Variants in SGCZ observed in about 807,000 individuals in gnomAD.
The protein encoded by SGCZ is sarcoglycan zeta.
Under a neutral mutation model 41.3 loss-of-function variants are expected in SGCZ, and 40 were observed. That is an observed-to-expected ratio of 0.97 (90% CI 0.75 to 1.26). The LOEUF is 1.26. Ranked by LOEUF, SGCZ falls within the 50% of genes most tolerant of loss-of-function variation. SGCZ has a pLI of 0.00. For missense variants in SGCZ, 552 were observed against 369.8 expected (o/e 1.49, Z -4.04); for synonymous variants, 206 against 137.5 (o/e 1.50, Z -3.49).
At chr8:14,453,519 C>G (rs62499706) in intron 2 of SGCZ, among the ~76,000 whole-genome samples, 232 of 152,186 alleles carry the variant, frequency 1.5e-3, no homozygotes, top group Non-Finnish European at 2.6e-3. Flanking sequence ...GACATAAAAT[C>G]TGCCTGCAGG....
At chr8:14,133,005 A>C (rs894713413) in intron 5 of SGCZ, among the ~76,000 whole-genome samples, 1 of 152,184 alleles carries the variant, frequency 6.6e-6, no homozygotes, top group African/African-American at 2.4e-5. Flanking sequence ...GAGCTGTAAC[A>C]ATAAAAAAAA....
intron 5 of SGCZ, among the ~76,000 whole-genome samples, chr8:14,130,899 TA>T (rs1803021436): frequency 6.6e-6 from 1 of 152,124 alleles, no homozygotes; most frequent in South Asian, 2.1e-4. Context: ...TCCAGTTGCA[TA>T]AAAAATATTA....
intron 1 of SGCZ, among the ~76,000 whole-genome samples, chr8:14,670,024 GT>G (rs1358373999): frequency 5.9e-5 from 9 of 152,094 alleles, no homozygotes; most frequent in African/African-American, 2.2e-4. Context: ...CAATAACTAA[GT>G]TTATATCTTT....
At chr8:14,254,163 A>G (rs1215818774) in intron 3 of SGCZ, among the ~76,000 whole-genome samples, 1 of 152,272 alleles carries the variant, frequency 6.6e-6, no homozygotes, top group Non-Finnish European at 1.5e-5. Flanking sequence ...GTTGCTTATA[A>G]TCAGCTTGTT....
intron 1 of SGCZ, among the ~76,000 whole-genome samples, chr8:14,689,737 A>G (rs79808100): frequency 0.03 from 4,501 of 152,280 alleles, 242 homozygotes; most frequent in African/African-American, 0.1. Flanking sequence ...CTGTGTAATC[A>G]CTGTCAGTTC....
intron 1 of SGCZ, among the ~76,000 whole-genome samples, chr8:14,975,986 G>GTATATATATATATACA (rs1408419824): frequency 8.8e-6 from 1 of 113,778 alleles, no homozygotes; most frequent in African/African-American, 2.8e-5. Context: ...GTGTATGTGT[G>GTATATATATATATACA]TATATATATA....
chr8:14,656,570 C>T (rs1807584041), intron 1 of SGCZ, among the ~76,000 whole-genome samples: 1 of 143,844 alleles, frequency 7.0e-6, no homozygotes, highest in Non-Finnish European at 1.5e-5. Context: ...TCTTTTCCTT[C>T]CCTGCTTCTT....
chr8:14,952,011 T>C (rs1800656459), intron 1 of SGCZ, among the ~76,000 whole-genome samples: 1 of 152,134 alleles, frequency 6.6e-6, no homozygotes, highest in Admixed American at 6.6e-5. Flanking sequence ...ATAATTCAAT[T>C]TTATTTGATA....
In SGCZ at chr8:15,086,257, T is replaced by A. The variant is rs940780503; in HGVS notation, c.39+151328A>T. ...AACAATCTCTCCTTATGTCTCTGTG[T>A]TCAGAAATCAGGAAAATATTCTTGC... On this transcript the variant is annotated intron_variant, in intron 1 of 7. Coordinates refer to ENST00000382080, the MANE Select transcript of SGCZ (RefSeq NM_139167.4). Among the ~76,000 whole-genome samples, 7 of 152,260 alleles carry A rather than the reference T, an allele frequency of 4.6e-5. No homozygotes were observed. The East Asian group carries it at 5.8e-4, about 13-fold the overall frequency.
At chr8:14,953,115 C>G (rs1055622014) in intron 1 of SGCZ, among the ~76,000 whole-genome samples, 2 of 152,074 alleles carry the variant, frequency 1.3e-5, no homozygotes, top group African/African-American at 4.8e-5. Context: ...TCTCACAGTG[C>G]TATAAATAAC....
intron 1 of SGCZ, among the ~76,000 whole-genome samples, chr8:14,978,236 G>GC (rs1554532040): frequency 5.1e-5 from 3 of 58,912 alleles, no homozygotes; most frequent in South Asian, 6.3e-4. Context: ...AGGAGGCTGA[G>GC]GGGGGTGGAT....
intron 1 of SGCZ, among the ~76,000 whole-genome samples, chr8:15,045,210 A>G (rs1023621257): frequency 1.3e-5 from 2 of 152,082 alleles, no homozygotes; most frequent in African/African-American, 4.8e-5. Context: ...CATGTAATAA[A>G]CAATATTTCA....
At chr8:14,729,728 G>A (rs540000446) in intron 1 of SGCZ, among the ~76,000 whole-genome samples, 1 of 152,266 alleles carries the variant, frequency 6.6e-6, no homozygotes, top group African/African-American at 2.4e-5. Flanking sequence ...GGCAGCACTT[G>A]AAAACTGATA....
intron 2 of SGCZ, among the ~76,000 whole-genome samples, chr8:14,375,722 G>A (rs1157921585): frequency 1.3e-5 from 2 of 152,014 alleles, no homozygotes; most frequent in Non-Finnish European, 2.9e-5. Context: ...TTAAAGCACT[G>A]AGCAAAATAA....
intron 4 of SGCZ, among the ~76,000 whole-genome samples, chr8:14,221,086 G>A (rs1563193973): frequency 6.6e-6 from 1 of 151,996 alleles, no homozygotes; most frequent in South Asian, 2.1e-4. Flanking sequence ...GAGCCTTGAC[G>A]GAAAAAAATG....
chr8:15,118,919 C>T (rs751753853), intron 1 of SGCZ, among the ~76,000 whole-genome samples: 1 of 152,120 alleles, frequency 6.6e-6, no homozygotes, highest in Non-Finnish European at 1.5e-5. Context: ...AAATCATGCA[C>T]ATTATAGAGA....
chr8:14,376,378 A>G (rs114292476), intron 2 of SGCZ, among the ~76,000 whole-genome samples: 2,175 of 152,280 alleles, frequency 0.014, 49 homozygotes, highest in African/African-American at 0.048. Context: ...TTGTAACAAC[A>G]CAAACATACA....
At chr8:15,074,668 G>C (rs1563486947) in intron 1 of SGCZ, among the ~76,000 whole-genome samples, 1 of 152,152 alleles carries the variant, frequency 6.6e-6, no homozygotes, top group South Asian at 2.1e-4. Context: ...CAGTCATAGA[G>C]AAATGCTCAC....
intron 1 of SGCZ, among the ~76,000 whole-genome samples, chr8:14,899,867 A>AGAAGAAGAAGAAGAAGAAGAAGAAGAG (rs754251454): frequency 1.8e-4 from 28 of 151,806 alleles, no homozygotes; most frequent in African/African-American, 6.3e-4. Flanking sequence ...AAGAAGAAGA[A>AGAAGAAGAAGAAGAAGAAGAAGAAGAG]GAGGAGGAGG....
Sources: allele counts gnomAD v4.1 joint callset (sites outside exome capture counted in the v4.1 genomes callset), GRCh38; gene constraint gnomAD v4.1.1; transcripts MANE v1.5; gene names NCBI Gene and HGNC (gene_info 2026-07-23, HGNC 2026-07-21).